CCDC171: variants seen among roughly 807,000 people sequenced by gnomAD.
CCDC171 encodes the protein coiled-coil domain-containing protein 171.
Under a neutral mutation model 168.2 loss-of-function variants are expected in CCDC171, and 177 were observed. The observed-to-expected ratio is 1.05, with a 90% confidence interval of 0.93 to 1.19. The LOEUF (loss-of-function observed/expected upper bound fraction) is 1.19, where lower values mean the gene tolerates loss of function less well. Among genes scored for constraint, CCDC171 ranks in the 50% most tolerant of loss-of-function variants. The probability of loss-of-function intolerance (pLI) is 0.00; values close to 1 mark genes in which losing one functional copy is unlikely to be tolerated. For missense variants in CCDC171, 1,991 were observed against 1,539.0 expected, an observed-to-expected ratio of 1.29 and a Z score of -4.91; for synonymous variants, 687 against 540.8, an observed-to-expected ratio of 1.27 and a Z score of -3.75.
At chr9:15,720,409 CTTGT>C (rs1588133172) in intron 11 of CCDC171, among the ~76,000 whole-genome samples, 2 of 152,048 alleles carry the variant, frequency 1.3e-5, no homozygotes, top group African/African-American at 4.8e-5. Context: ...CTATACCTTT[CTTGT>C]TTATCTTTGT....
intron 18 of CCDC171, among the ~76,000 whole-genome samples, chr9:15,748,687 G>C (rs1270255811): frequency 6.6e-6 from 1 of 152,162 alleles, no homozygotes; most frequent in Non-Finnish European, 1.5e-5. Context: ...TTAAAGAAAA[G>C]AATTTTCAAC....
intron 23 of CCDC171, among the ~76,000 whole-genome samples, chr9:15,852,962 C>A (rs1367436703): frequency 1.3e-5 from 2 of 151,596 alleles, no homozygotes; most frequent in Non-Finnish European, 3.0e-5. Context: ...CTCTTCATAT[C>A]AGTACCGTAA....
At chr9:15,742,707 G>C (rs995978568) in intron 16 of CCDC171, among the ~76,000 whole-genome samples, 1 of 152,158 alleles carries the variant, frequency 6.6e-6, no homozygotes, top group Non-Finnish European at 1.5e-5. Flanking sequence ...GTACTCCTCT[G>C]GCAACCTGGA....
intron 21 of CCDC171, among the ~76,000 whole-genome samples, chr9:15,813,655 T>C (rs1002757930): frequency 6.6e-6 from 1 of 151,994 alleles, no homozygotes; most frequent in Non-Finnish European, 1.5e-5. Flanking sequence ...TATGTTAATA[T>C]TGTATATTGT....
At chr9:15,934,052 A>G (rs1362883216) in intron 25 of CCDC171, among the ~76,000 whole-genome samples, 4 of 151,986 alleles carry the variant, frequency 2.6e-5, no homozygotes, top group Admixed American at 6.6e-5. Context: ...ATACTATGCA[A>G]AGAACTCTTA....
chr9:15,952,685 CCG>C (rs1041073620), intron 25 of CCDC171, among the ~76,000 whole-genome samples: 3 of 152,092 alleles, frequency 2.0e-5, no homozygotes, highest in African/African-American at 7.2e-5. Flanking sequence ...GCATGAGCCA[CCG>C]CGCGCGGCCA....
At chr9:15,624,904 G>T (rs1420173622) in intron 7 of CCDC171, among the ~76,000 whole-genome samples, 1 of 152,088 alleles carries the variant, frequency 6.6e-6, no homozygotes, top group Non-Finnish European at 1.5e-5. Flanking sequence ...TTCCACCATG[G>T]TTAAACTAGT....
At chr9:15,805,609 G>GT (rs753052936) in intron 21 of CCDC171, among the ~76,000 whole-genome samples, 25 of 152,200 alleles carry the variant, frequency 1.6e-4, no homozygotes, top group Non-Finnish European at 1.5e-4. Flanking sequence ...CTGAGAGACT[G>GT]TTTGTTATGA....
intron 21 of CCDC171, among the ~76,000 whole-genome samples, chr9:15,832,976 AT>A (rs1289932419): frequency 7.4e-6 from 1 of 134,920 alleles, no homozygotes; most frequent in Non-Finnish European, 1.5e-5. Flanking sequence ...CAGCTTCATT[AT>A]AATCTTTTTT....
At chr9:16,082,191 A>G in the CCDC171 span, among the ~76,000 whole-genome samples, 2 of 152,226 alleles carry the variant, frequency 1.3e-5, no homozygotes, top group African/African-American at 4.8e-5. Flanking sequence ...TAGGAAAGGT[A>G]TTTCGTGTCT....
At chr9:15,656,391 C>T (rs1266953519) in intron 7 of CCDC171, among the ~76,000 whole-genome samples, 2 of 151,934 alleles carry the variant, frequency 1.3e-5, no homozygotes, top group African/African-American at 4.8e-5. Flanking sequence ...CACTATTTAC[C>T]CCAGAGAAAT....
intron 6 of CCDC171, among the ~76,000 whole-genome samples, chr9:15,617,668 GC>G (rs1376959377): frequency 1.3e-5 from 2 of 152,118 alleles, no homozygotes; most frequent in African/African-American, 4.8e-5. Flanking sequence ...GAGCCACCAC[GC>G]CCGGCCTGTG....
intron 6 of CCDC171, among the ~76,000 whole-genome samples, chr9:15,616,005 C>T (rs983566058): frequency 6.6e-6 from 1 of 152,118 alleles, no homozygotes; most frequent in Non-Finnish European, 1.5e-5. Context: ...GGCTGGAGTG[C>T]AGTTGTGTGA....
chr9:15,845,316 A>G (rs1260989690), intron 21 of CCDC171, among the ~76,000 whole-genome samples: 3 of 152,000 alleles, frequency 2.0e-5, no homozygotes, highest in Non-Finnish European at 4.4e-5. Context: ...GTTAATAGTG[A>G]AGATTTAAAA....
At chr9:16,062,648 T>A (rs1586872817), downstream of CCDC171, among the ~76,000 whole-genome samples, 1 of 152,216 alleles carries the variant, frequency 6.6e-6, no homozygotes, top group East Asian at 1.9e-4. Flanking sequence ...CAAAGGCTTT[T>A]TGAGTACCAG....
intron 24 of CCDC171, among the ~76,000 whole-genome samples, chr9:15,897,919 A>G (rs893602792): frequency 1.3e-5 from 2 of 152,148 alleles, no homozygotes; most frequent in African/African-American, 2.4e-5. Context: ...TTGAATCCCA[A>G]TTCTGCTCTT....
intron 21 of CCDC171, among the ~76,000 whole-genome samples, chr9:15,788,494 T>C (rs1466151285): frequency 4.2e-5 from 1 of 23,592 alleles, no homozygotes; most frequent in East Asian, 1.5e-3. Flanking sequence ...GTAGAAGATA[T>C]GGATACAGAA....
chr9:16,078,381 T>C, the CCDC171 span, among the ~76,000 whole-genome samples: 1 of 152,020 alleles, frequency 6.6e-6, no homozygotes, highest in Non-Finnish European at 1.5e-5. Context: ...TTTCAGAACA[T>C]TGCTTATGGT....
At chr9:15,690,377 C>T (rs1242025475) in intron 10 of CCDC171, among the ~76,000 whole-genome samples, 1 of 152,062 alleles carries the variant, frequency 6.6e-6, no homozygotes, top group Non-Finnish European at 1.5e-5. Context: ...TCAAAAATGG[C>T]TATCAGTATG....
Sources: allele counts gnomAD v4.1 joint callset (sites outside exome capture counted in the v4.1 genomes callset), GRCh38; gene constraint gnomAD v4.1.1; transcripts MANE v1.5; gene names NCBI Gene and HGNC (gene_info 2026-07-23, HGNC 2026-07-21).